RCN3: variants seen among roughly 807,000 people sequenced by gnomAD.
RCN3 encodes the protein reticulocalbin 3.
A neutral mutation model predicts 35.9 loss-of-function variants in RCN3; 41 were observed. The ratio of observed to expected loss-of-function variants is 1.14; its 90% CI spans 0.89 to 1.48. The LOEUF is 1.48. RCN3 is among the 40% of genes most tolerant of loss of function. RCN3 has a pLI of 0.00. For missense variants in RCN3, 451 were observed against 471.3 expected (o/e 0.96, Z 0.40); for synonymous variants, 187 against 193.4 (o/e 0.97, Z 0.27).
intron 1 of RCN3, 47 bp from the exon 2 acceptor site, chr19:49,528,420 G>A: frequency 5.5e-6 from 8 of 1,445,056 alleles, no homozygotes; most frequent in South Asian, 1.5e-5. Flanking sequence ...TCCCGTGTCT[G>A]TCCCCATCCC....
chr19:49,536,015 T>A (rs1192271203), intron 3 of RCN3, among the ~76,000 whole-genome samples: 4 of 149,194 alleles, frequency 2.7e-5, no homozygotes, highest in Non-Finnish European at 4.4e-5. Context: ...TGAGGGAGTT[T>A]TGCTCTTGTT....
chr19:49,529,686 AAG>A (rs2080098875), intron 2 of RCN3, among the ~76,000 whole-genome samples: 1 of 152,144 alleles, frequency 6.6e-6, no homozygotes, highest in Non-Finnish European at 1.5e-5. Context: ...AAGATAAAGC[AAG>A]AGAGTCAGAA....
chr19:49,542,569 C>G lies in RCN3; in HGVS notation c.696C>G (p.Ala232=). The G allele has an allele frequency of 1.2e-6, 2 of 1,601,758 alleles. No homozygotes were observed. The highest frequency in any genetic ancestry group is 1.7e-6 in the Non-Finnish European group (2 of 1,174,932). ...GGCCCCCAGCGGATCTGTACTCAGC[C>G]GAGCCTGGGGAGGAGGAGCCGGCGT... ...VEEYIADLYS[A]EPGEEEPAWV... The change falls in exon 6 of 7, where the codon GCC becomes GCG. Residue 232 remains alanine (A), a synonymous_variant. Transcript: ENST00000270645.
intron 2 of RCN3, 138 bp from the exon 3 acceptor site, chr19:49,534,055 C>A: frequency 1.1e-6 from 1 of 881,000 alleles, no homozygotes; most frequent in Non-Finnish European, 1.6e-6. Context: ...TTGACCCGCG[C>A]CCCTCCCCAG....
intron 5 of RCN3, among the ~76,000 whole-genome samples, chr19:49,541,750 G>A (rs939759321): frequency 2.6e-5 from 4 of 151,580 alleles, no homozygotes; most frequent in African/African-American, 4.8e-5. Context: ...GGGAGACTGA[G>A]GCAGGTGGAT....
chr19:49,528,421 T>A, intron 1 of RCN3, 46 bp from the exon 2 acceptor site: 1 of 1,448,896 alleles, frequency 6.9e-7, no homozygotes, highest in South Asian at 1.5e-5. Context: ...CCCGTGTCTG[T>A]CCCCATCCCT....
intron 2 of RCN3, among the ~76,000 whole-genome samples, chr19:49,530,985 C>G (rs2080105938): frequency 6.6e-6 from 1 of 152,024 alleles, no homozygotes; most frequent in African/African-American, 2.4e-5. Flanking sequence ...GGCTGGAACT[C>G]AGTGAGAAAG....
At chr19:49,541,829 A>T (rs2122741850) in intron 5 of RCN3, among the ~76,000 whole-genome samples, 1 of 151,342 alleles carries the variant, frequency 6.6e-6, no homozygotes, top group African/African-American at 2.4e-5. Flanking sequence ...AAAATATAAA[A>T]ATTAGCTGGG....
At chr19:49,539,316 C>T (rs1010113582) in intron 5 of RCN3, 137 bp downstream of exon 5, 10 of 638,792 alleles carry the variant, frequency 1.6e-5, no homozygotes, top group Non-Finnish European at 2.6e-5. Context: ...GCACTCACTG[C>T]TTGAGTTCAT....
intron 3 of RCN3, among the ~76,000 whole-genome samples, chr19:49,536,324 G>GGCCAGGCTGC (rs1315491695): frequency 3.9e-5 from 5 of 128,494 alleles, no homozygotes; most frequent in Non-Finnish European, 8.0e-5. Flanking sequence ...AGATGGAATG[G>GGCCAGGCTGC]AGTTTCACTC....
At chr19:49,539,387 GCACCTGCTGTGTGT>G (rs1159266510) in intron 5 of RCN3, among the ~76,000 whole-genome samples, 7 of 152,098 alleles carry the variant, frequency 4.6e-5, no homozygotes, top group Admixed American at 2.0e-4. Flanking sequence ...CATCTATTGA[GCACCTGCTGTGTGT>G]CACGCCCAGG....
chr19:49,528,093 A>AGGGCGGCTCGGGGCGGCTCG (rs147818341), intron 1 of RCN3, 35 bp downstream of exon 1: 1 of 211,538 alleles, frequency 4.7e-6, no homozygotes, highest in African/African-American at 2.3e-5. Flanking sequence ...CTGTCCAGGG[A>AGGGCGGCTCGGGGCGGCTCG]GGGCGGCTCG....
chr19:49,542,995 C>T, intron 6 of RCN3, 111 bp from the exon 7 acceptor site: 1 of 932,766 alleles, frequency 1.1e-6, no homozygotes, highest in Non-Finnish European at 1.7e-6. Context: ...GAGAAAGGGA[C>T]AGAGGCCCAG....
intron 2 of RCN3, among the ~76,000 whole-genome samples, chr19:49,532,993 A>AT (rs1365644956): frequency 1.6e-4 from 24 of 152,318 alleles, no homozygotes; most frequent in African/African-American, 5.3e-4. Context: ...AGTGCTTTAC[A>AT]TGGCCTAACT....
chr19:49,528,193 G>A, intron 1 of RCN3, 135 bp downstream of exon 1: 2 of 395,900 alleles, frequency 5.1e-6, no homozygotes, highest in East Asian at 3.8e-5. Flanking sequence ...CCTTGCGTGG[G>A]ATGTGCGCCA....
Position 49,537,451 on chromosome 19 carries a change from C to T in RCN3, c.618+246C>T, listed in dbSNP as rs12980675. Among the ~76,000 whole-genome samples, 399 of 152,238 alleles carry T rather than the reference C, an allele frequency of 2.6e-3. 2 individuals carry two copies. The highest frequency in any genetic ancestry group is 4.4e-3 in the Non-Finnish European group (300 of 67,998). On this transcript the variant is annotated intron_variant, in intron 4 of 6. Coordinates refer to ENST00000270645, the MANE Select transcript of RCN3 (RefSeq NM_020650.3). ...CCTCCCTGTGCTCGCATTTGGGGTC[C>T]AGGCCCCCAGCCTTCCCTCAGACAG... is the stretch of plus-strand genomic sequence containing the variant.
At chr19:49,542,849 C>A in intron 6 of RCN3, 97 bp downstream of exon 6, 2 of 1,188,180 alleles carry the variant, frequency 1.7e-6, no homozygotes, top group Non-Finnish European at 2.3e-6. Flanking sequence ...CTCAGGGTCC[C>A]TTTTAGGTGG....
At chr19:49,529,232 G>A (rs1477085594) in intron 2 of RCN3, among the ~76,000 whole-genome samples, 1 of 152,084 alleles carries the variant, frequency 6.6e-6, no homozygotes, top group Non-Finnish European at 1.5e-5. Context: ...GCAAAATCTG[G>A]GTTAGATTCT....
chr19:49,538,550 G>A (rs560442279), intron 4 of RCN3, among the ~76,000 whole-genome samples: 4 of 152,010 alleles, frequency 2.6e-5, no homozygotes, highest in African/African-American at 4.8e-5. Context: ...GGGCTCAATC[G>A]ATCCTCCCGC....
Sources: allele counts gnomAD v4.1 joint callset (sites outside exome capture counted in the v4.1 genomes callset), GRCh38; gene constraint gnomAD v4.1.1; transcripts MANE v1.5; gene names NCBI Gene and HGNC (gene_info 2026-07-23, HGNC 2026-07-21).